The following UBE3C variants were observed in gnomAD, a reference collection of about 807,000 sequenced individuals.
The protein encoded by UBE3C is ubiquitin-protein ligase E3C.
A neutral mutation model predicts 129.4 loss-of-function variants in UBE3C; 42 were observed. The ratio of observed to expected loss-of-function variants is 0.32; its 90% CI spans 0.25 to 0.42. The LOEUF (loss-of-function observed/expected upper bound fraction) is 0.42. Among genes scored for constraint, UBE3C ranks in the 10% least tolerant of loss-of-function variants. The pLI, the probability that UBE3C is intolerant of heterozygous loss-of-function variation, is 1.00. For synonymous variants in UBE3C, 510 were observed against 492.4 expected, an observed-to-expected ratio of 1.04 and a Z score of -0.47; for missense variants, 1,049 against 1,319.1, an observed-to-expected ratio of 0.80 and a Z score of 3.17.
chr7:157,257,313 A>G (rs1270062038), intron 22 of UBE3C, among the ~76,000 whole-genome samples: 1 of 152,142 alleles, frequency 6.6e-6, no homozygotes, highest in Non-Finnish European at 1.5e-5. Flanking sequence ...ATTTGGAGGG[A>G]CTATTTGCAA....
chr7:157,187,061 A>G, intron 10 of UBE3C, 40 bp downstream of exon 10: 1 of 1,544,654 alleles, frequency 6.5e-7, no homozygotes. Context: ...GGTGCCAGCC[A>G]GAGAACATAC....
intron 18 of UBE3C, among the ~76,000 whole-genome samples, chr7:157,236,165 A>AT (rs1285204298): frequency 6.6e-6 from 1 of 152,204 alleles, no homozygotes; most frequent in Non-Finnish European, 1.5e-5. Context: ...TCATGATTGC[A>AT]TTTTGTCGCC....
Position 157,254,119 on chromosome 7 carries a change from A to G in UBE3C, c.2860A>G (p.Met954Val). The G allele has an allele frequency of 6.2e-7, 1 of 1,610,786 alleles. No homozygotes were observed. The highest frequency in any genetic ancestry group is 8.5e-7 in the Non-Finnish European group (1 of 1,178,398). Residue 954 changes from methionine to valine, a missense_variant, in exon 20 of 23, where the codon ATG becomes GTG. Met to Val is a conservative substitution (Grantham distance 21). Transcript: ENST00000348165. ...TGTCGTCAGCCTCGAGTGGCTCCGA[A>G]TGTTTGATCAGCAAGAAATTCAGGT... is the stretch of plus-strand genomic sequence containing the variant. The part of the protein sequence containing the change: ...ANVVSLEWLR[M>V]FDQQEIQVLI...
intron 1 of UBE3C, among the ~76,000 whole-genome samples, chr7:157,163,400 A>T (rs2116860952): frequency 6.6e-6 from 1 of 151,650 alleles, no homozygotes; most frequent in East Asian, 1.9e-4. Flanking sequence ...AAAAAAAAAA[A>T]AAAAAGGAAA....
intron 2 of UBE3C, 127 bp downstream of exon 2, chr7:157,163,990 T>G: frequency 1.2e-6 from 1 of 852,012 alleles, no homozygotes; most frequent in South Asian, 1.7e-5. Context: ...TGTGTGTATG[T>G]GTGTTTAGCT....
At chr7:157,141,165 C>T (rs1451656453) in intron 1 of UBE3C, among the ~76,000 whole-genome samples, 1 of 152,070 alleles carries the variant, frequency 6.6e-6, no homozygotes, top group Non-Finnish European at 1.5e-5. Context: ...AGTAAAGAGC[C>T]CTTAGTAGGA....
intron 6 of UBE3C, among the ~76,000 whole-genome samples, chr7:157,179,199 T>C (rs1478425382): frequency 6.6e-6 from 1 of 152,002 alleles, no homozygotes; most frequent in Non-Finnish European, 1.5e-5. Flanking sequence ...TCTTACCACC[T>C]CCTGGTCATT....
At position 157,268,721 on chromosome 7, in the gene UBE3C, C is replaced by T. The variant is rs1218198753; in HGVS notation, c.*966C>T. 1 of 152,752 alleles carries T rather than the reference C, an allele frequency of 6.5e-6. No homozygotes were observed. The highest frequency in any genetic ancestry group is 1.5e-5 in the Non-Finnish European group (1 of 68,108). 9.5% of individuals were successfully genotyped at this position (152,752 alleles called of 1,614,324 possible). On this transcript the variant is annotated 3_prime_UTR_variant, in exon 23 of 23. Transcript: ENST00000348165. Reference sequence around the variant, plus strand: ...CGCCATGCTTGGCACCCTCTGCTTCCTGGTGCTGCTCTGACTCGAAGACGG... The same window carrying T: ...CGCCATGCTTGGCACCCTCTGCTTCTTGGTGCTGCTCTGACTCGAAGACGG...
intron 22 of UBE3C, among the ~76,000 whole-genome samples, chr7:157,265,560 G>T (rs1222810404): frequency 4.6e-5 from 7 of 152,186 alleles, no homozygotes; most frequent in Non-Finnish European, 1.0e-4. Context: ...GTAAAAAGCT[G>T]AGAGAAGTGC....
chr7:157,168,197 A>G (rs1808269437), intron 2 of UBE3C, among the ~76,000 whole-genome samples: 1 of 151,830 alleles, frequency 6.6e-6, no homozygotes, highest in Non-Finnish European at 1.5e-5. Context: ...TAAATATACA[A>G]AAAATTAGCC....
chr7:157,180,149 G>T (rs1402616141), intron 6 of UBE3C, among the ~76,000 whole-genome samples: 5 of 152,136 alleles, frequency 3.3e-5, no homozygotes, highest in African/African-American at 9.7e-5. Context: ...TACAGCAGTT[G>T]TTTACTTTCT....
intron 1 of UBE3C, among the ~76,000 whole-genome samples, chr7:157,148,171 T>A (rs976992165): frequency 2.0e-4 from 31 of 152,142 alleles, no homozygotes; most frequent in African/African-American, 7.2e-4. Flanking sequence ...AGTGGTGCGA[T>A]CTCACTGCCA....
intron 18 of UBE3C, among the ~76,000 whole-genome samples, chr7:157,233,205 G>A (rs1366220760): frequency 6.6e-6 from 1 of 151,904 alleles, no homozygotes; most frequent in Non-Finnish European, 1.5e-5. Context: ...CATGTTTTCA[G>A]GTTTCATTCA....
chr7:157,183,067 C>G (rs977612366), intron 8 of UBE3C, among the ~76,000 whole-genome samples: 2 of 152,160 alleles, frequency 1.3e-5, no homozygotes, highest in African/African-American at 2.4e-5. Context: ...TTCTTACTCT[C>G]TCACTCAACA....
intron 18 of UBE3C, among the ~76,000 whole-genome samples, chr7:157,241,235 C>T (rs1359357550): frequency 1.3e-5 from 2 of 152,114 alleles, no homozygotes; most frequent in South Asian, 2.1e-4. Flanking sequence ...GAAAAAATCC[C>T]GTCTTAGCTG....
intron 16 of UBE3C, 86 bp downstream of exon 16, chr7:157,223,437 G>A (rs1348668783): frequency 2.6e-6 from 3 of 1,157,318 alleles, no homozygotes; most frequent in Admixed American, 4.9e-5. Context: ...ATCTCTAAAG[G>A]TGCCTAGTGC....
chr7:157,217,832 C>T (rs371816946), intron 14 of UBE3C, among the ~76,000 whole-genome samples: 80 of 151,088 alleles, frequency 5.3e-4, no homozygotes, highest in African/African-American at 1.7e-3. Context: ...AGCGAAATTC[C>T]GTCTCAAAAA....
rs147979796 is a variant in UBE3C at position 157,244,189 on chromosome 7, C to T, written c.2482-4179C>T. On this transcript the variant is annotated intron_variant, in intron 18 of 22. Transcript: ENST00000348165. ...AGGTTGCAGTGAGCTGAGATCGTGCCATTCATTGCGCTCCAGCCTGGGCGA... is the reference window on the plus strand; with the variant it reads ...AGGTTGCAGTGAGCTGAGATCGTGCTATTCATTGCGCTCCAGCCTGGGCGA... Among the ~76,000 whole-genome samples the T allele has an allele frequency of 3.4e-3, 520 of 152,168 alleles. 2 individuals are homozygous for T. Among genetic ancestry groups the T allele is most frequent in the African/African-American group, 0.012 (481 of 41,528 alleles).
intron 2 of UBE3C, among the ~76,000 whole-genome samples, chr7:157,167,952 A>G (rs527391669): frequency 6.6e-6 from 1 of 152,274 alleles, no homozygotes; most frequent in South Asian, 2.1e-4. Context: ...TTTTAAAGAT[A>G]CTCTCAAGTC....
Sources: gnomAD v4.1 joint callset for allele counts (sites outside exome capture counted in the v4.1 genomes callset) on GRCh38, gnomAD v4.1.1 for gene constraint, MANE v1.5 for transcripts, NCBI Gene and HGNC (gene_info 2026-07-23, HGNC 2026-07-21) for gene names.